ANTXR1: variants seen among roughly 807,000 people sequenced by gnomAD.
The protein encoded by ANTXR1 is ANTXR cell adhesion molecule 1.
ANTXR1 carries 19 observed loss-of-function variants against 78.1 expected under a neutral mutation model. The observed-to-expected ratio is 0.24, with a 90% confidence interval of 0.17 to 0.36. The LOEUF (loss-of-function observed/expected upper bound fraction) is 0.36. Among genes scored for constraint, ANTXR1 ranks in the 10% least tolerant of loss-of-function variants. The probability of loss-of-function intolerance (pLI) is 1.00; values close to 1 mark genes in which losing one functional copy is unlikely to be tolerated. For synonymous variants in ANTXR1, 273 were observed against 260.5 expected (o/e 1.05, Z -0.46); for missense variants, 518 against 718.6 (o/e 0.72, Z 3.19).
chr2:69,091,887 G>A (rs1192612064), intron 9 of ANTXR1, among the ~76,000 whole-genome samples: 1 of 152,134 alleles, frequency 6.6e-6, no homozygotes, highest in African/African-American at 2.4e-5. Context: ...CATATTTAAT[G>A]GACTGCTTAA....
At chr2:69,195,722 T>C (rs762986940) in intron 17 of ANTXR1, among the ~76,000 whole-genome samples, 3 of 152,112 alleles carry the variant, frequency 2.0e-5, no homozygotes, top group Non-Finnish European at 4.4e-5. Context: ...CTATGGGAAA[T>C]GAAGAAATTT....
At chr2:69,171,918 T>A (rs1323401320) in intron 14 of ANTXR1, among the ~76,000 whole-genome samples, 3 of 152,222 alleles carry the variant, frequency 2.0e-5, no homozygotes, top group African/African-American at 7.2e-5. Context: ...TGACTTCATT[T>A]CCCAAACAGA....
chr2:69,017,750 A>G (rs981148919), intron 1 of ANTXR1, among the ~76,000 whole-genome samples: 2 of 152,176 alleles, frequency 1.3e-5, no homozygotes, highest in African/African-American at 4.8e-5. Flanking sequence ...CTGGGAATTC[A>G]GTCGGGGATT....
chr2:69,207,340 A>T (rs1228939310), intron 17 of ANTXR1, among the ~76,000 whole-genome samples: 1 of 152,130 alleles, frequency 6.6e-6, no homozygotes, highest in East Asian at 1.9e-4. Flanking sequence ...TAGCTTTGTA[A>T]AACCATGGCA....
intron 10 of ANTXR1, among the ~76,000 whole-genome samples, chr2:69,111,776 T>C (rs1444675247): frequency 6.6e-6 from 1 of 152,250 alleles, no homozygotes; most frequent in African/African-American, 2.4e-5. Context: ...CATTCGAACG[T>C]AGACGTTCCA....
intron 14 of ANTXR1, among the ~76,000 whole-genome samples, chr2:69,179,972 A>G (rs1026041940): frequency 3.9e-5 from 6 of 152,100 alleles, no homozygotes; most frequent in African/African-American, 9.7e-5. Context: ...GCAACCAAGT[A>G]AGAGAGAGAG....
intron 9 of ANTXR1, among the ~76,000 whole-genome samples, chr2:69,096,287 AGGG>A (rs1671405445): frequency 5.6e-5 from 2 of 35,860 alleles, no homozygotes; most frequent in African/African-American, 1.3e-4. Context: ...GAAGGAAGGA[AGGG>A]AGGAAGGGAG....
At chr2:69,140,572 C>T (rs1376517830) in intron 12 of ANTXR1, among the ~76,000 whole-genome samples, 2 of 152,206 alleles carry the variant, frequency 1.3e-5, no homozygotes, top group African/African-American at 4.8e-5. Flanking sequence ...TCAGAACTTT[C>T]ATGAATGCTT....
Position 69,013,507 on chromosome 2 carries a change from C to T in ANTXR1, c.8C>T (p.Thr3Met), listed in dbSNP as rs1653266703. 6.3e-7 allele frequency: 1 copy of T among 1,589,144 alleles called. No homozygotes were observed. The highest frequency in any genetic ancestry group is 1.3e-5 in the African/African-American group (1 of 74,908). Residue 3 changes from threonine (T) to methionine (M), a missense_variant, in exon 1 of 18, where the codon ACG becomes ATG. This residue lies in a region of ANTXR1 where 55 missense variants were observed against 52.5 expected (regional missense o/e 1.05). Coordinates refer to ENST00000303714, the MANE Select transcript of ANTXR1 (RefSeq NM_032208.3). The surrounding 1 kb of genome is among the most constrained non-coding windows in gnomAD (Gnocchi z 5.0). Reference protein sequence around the residue: MATAERRALGIGF... With the variant: MAMAERRALGIGF... ...CTCCCCGGGCTGCGGGCCATGGCCA[C>T]GGCGGAGCGGAGAGCCCTCGGCATC... is the stretch of plus-strand genomic sequence containing the variant.
At chr2:69,052,220 C>A (rs1669950919) in intron 3 of ANTXR1, among the ~76,000 whole-genome samples, 1 of 152,098 alleles carries the variant, frequency 6.6e-6, no homozygotes, top group Non-Finnish European at 1.5e-5. Flanking sequence ...CACATTCACA[C>A]ACATACTTCC....
chr2:69,089,334 G>A (rs376704727), intron 8 of ANTXR1, among the ~76,000 whole-genome samples: 29 of 152,186 alleles, frequency 1.9e-4, no homozygotes, highest in Non-Finnish European at 3.7e-4. Context: ...ATTTTCTTTC[G>A]CAATGCTTCT....
Position 69,013,250 on chromosome 2 carries a change from C to T in ANTXR1, c.-250C>T. On this transcript the variant is annotated 5_prime_UTR_variant, in exon 1 of 18. Coordinates refer to ENST00000303714, the MANE Select transcript of ANTXR1 (RefSeq NM_032208.3). This position sits in a 1 kb window ranked among gnomAD's most constrained non-coding sequence, Gnocchi z 5.0. ...CCCGGCGGCCCCGGACCGAGGCAGC[C>T]CTCCCCTTTAAAAGAAGCGGAGGAC... is the stretch of plus-strand genomic sequence containing the variant. 1 of 620,212 alleles carries T rather than the reference C, an allele frequency of 1.6e-6. No homozygotes were observed. Among genetic ancestry groups the T allele is most frequent in the South Asian group, 2.0e-5 (1 of 51,070 alleles). The allele number at this position is 620,212 out of a possible 1,614,324, so 38.4% of individuals were successfully genotyped here.
Position 69,182,627 on chromosome 2 carries a change from T to G in ANTXR1, c.1320T>G (p.Pro440=). ...ATCTCAACAACAATATGCGTCGGCC[T>G]TCTTCCCCCCGGAAGTGGTACTCTC... ...PRNLNNNMRR[P]SSPRKWYSPI... The change falls in exon 16 of 18, where the codon CCT becomes CCG. Residue 440 remains proline, a synonymous_variant. Transcript: ENST00000303714. 1 of 1,614,204 alleles carries G rather than the reference T, an allele frequency of 6.2e-7. No individual in the cohort carries two copies. The highest frequency in any genetic ancestry group is 8.5e-7 in the Non-Finnish European group (1 of 1,180,048).
intron 1 of ANTXR1, among the ~76,000 whole-genome samples, chr2:69,027,433 C>G (rs150372493): frequency 2.0e-4 from 31 of 152,324 alleles, no homozygotes; most frequent in South Asian, 8.3e-4. Flanking sequence ...AATGATGTAA[C>G]TGTGTCCAAA....
chr2:69,062,884 G>C (rs943660839), intron 3 of ANTXR1, among the ~76,000 whole-genome samples: 3 of 151,916 alleles, frequency 2.0e-5, no homozygotes, highest in Non-Finnish European at 4.4e-5. Flanking sequence ...ATTAAAAAAA[G>C]AAAACTCAAA....
intron 1 of ANTXR1, among the ~76,000 whole-genome samples, chr2:69,026,402 C>T (rs1671346297): frequency 6.6e-6 from 1 of 152,326 alleles, no homozygotes; most frequent in Non-Finnish European, 1.5e-5. Context: ...AGGTTGTGCT[C>T]AGAACAGCGT....
chr2:69,221,936 C>T (rs1296378365), intron 17 of ANTXR1, among the ~76,000 whole-genome samples: 2 of 152,080 alleles, frequency 1.3e-5, no homozygotes, highest in Non-Finnish European at 2.9e-5. Flanking sequence ...TAAGGGATGA[C>T]TATAGAACCA....
At chr2:69,066,147 G>T (rs1024367980) in intron 3 of ANTXR1, among the ~76,000 whole-genome samples, 1 of 152,210 alleles carries the variant, frequency 6.6e-6, no homozygotes, top group Non-Finnish European at 1.5e-5. Flanking sequence ...GGTGATGGAG[G>T]TTGTTTTTAT....
intron 3 of ANTXR1, among the ~76,000 whole-genome samples, chr2:69,060,880 T>G (rs1573825222): frequency 6.6e-6 from 1 of 152,286 alleles, no homozygotes; most frequent in East Asian, 1.9e-4. Flanking sequence ...TTTTCCCCTT[T>G]CTTTCAAAAA....
Sources: gnomAD v4.1 joint callset for allele counts (sites outside exome capture counted in the v4.1 genomes callset) on GRCh38, gnomAD v4.1.1 for gene constraint, gnomAD v4.1.1 regional missense constraint, Gnocchi (gnomAD v3.1) non-coding constraint, MANE v1.5 for transcripts, NCBI Gene and HGNC (gene_info 2026-07-23, HGNC 2026-07-21) for gene names.